FAF2: variants seen among roughly 807,000 people sequenced by gnomAD.
FAF2 encodes the protein Fas associated factor family member 2.
Under a neutral mutation model 62.3 loss-of-function variants are expected in FAF2, and 9 were observed. That is an observed-to-expected ratio of 0.14 (90% CI 0.09 to 0.25). FAF2 has a LOEUF of 0.25. FAF2 is among the 10% of genes least tolerant of loss of function. The pLI, the probability that FAF2 is intolerant of heterozygous loss-of-function variation, is 1.00. For missense variants in FAF2, 368 were observed against 556.2 expected, an observed-to-expected ratio of 0.66 and a Z score of 3.40; for synonymous variants, 202 against 198.0, an observed-to-expected ratio of 1.02 and a Z score of -0.17.
At position 176,507,325 on chromosome 5, in the gene FAF2, T is replaced by C. The variant is rs780632541; in HGVS notation, c.*375T>C. The C allele has an allele frequency of 4.2e-5, 19 of 453,140 alleles. No individual in the cohort carries two copies. Among genetic ancestry groups the C allele is most frequent in the South Asian group, 3.0e-4 (19 of 63,862 alleles). The allele number at this position is 453,140 out of a possible 1,614,324, so 28.1% of individuals were successfully genotyped here. A position where few individuals can be genotyped will look rare whatever the true frequency, so the allele number is the denominator to read the frequency against. ...CATTCATTCTTGCTTTTATGAAAAA[T>C]AAAAGTGAAAAACCTCCATCAACCA... On this transcript the variant is annotated 3_prime_UTR_variant, in exon 11 of 11. Coordinates refer to ENST00000261942, the MANE Select transcript of FAF2 (RefSeq NM_014613.3).
chr5:176,489,467 G>A (rs1758933742), intron 4 of FAF2, among the ~76,000 whole-genome samples: 1 of 152,054 alleles, frequency 6.6e-6, no homozygotes, highest in Admixed American at 6.5e-5. Flanking sequence ...AGATTACCCA[G>A]TTTGCCCTTG....
At chr5:176,450,093 A>T (rs912809043) in intron 1 of FAF2, among the ~76,000 whole-genome samples, 1 of 152,160 alleles carries the variant, frequency 6.6e-6, no homozygotes, top group Non-Finnish European at 1.5e-5. Flanking sequence ...GAAAATAAAT[A>T]TTTTTTTGGC....
At chr5:176,502,334 A>G (rs1240777951) in intron 10 of FAF2, among the ~76,000 whole-genome samples, 1 of 152,156 alleles carries the variant, frequency 6.6e-6, no homozygotes, top group African/African-American at 2.4e-5. Flanking sequence ...TAATCCCAGC[A>G]CTTTGGGAGG....
intron 1 of FAF2, among the ~76,000 whole-genome samples, chr5:176,460,717 T>G (rs1758364220): frequency 6.6e-6 from 1 of 152,082 alleles, no homozygotes; most frequent in South Asian, 2.1e-4. Context: ...TTTGGGAGGC[T>G]GAGGCAGTGG....
intron 1 of FAF2, among the ~76,000 whole-genome samples, chr5:176,471,499 C>T (rs1758568819): frequency 6.6e-6 from 1 of 151,172 alleles, no homozygotes; most frequent in South Asian, 2.1e-4. Context: ...TCTCCTGCCT[C>T]AGCCTCCTGA....
Position 176,509,236 on chromosome 5 carries a change from G to A in FAF2, c.*2286G>A, listed in dbSNP as rs1336502642. On this transcript the variant is annotated 3_prime_UTR_variant, in exon 11 of 11. Transcript: ENST00000261942. ...TCTCCTTGCTGACCCTAGCGCTGCT[G>A]CCTAGGTGCCATTTCCTTTCCTCCT... 2 of 152,198 alleles carry A rather than the reference G, an allele frequency of 1.3e-5. No individual in the cohort carries two copies. The highest frequency in any genetic ancestry group is 2.9e-5 in the Non-Finnish European group (2 of 68,058). 9.4% of individuals were successfully genotyped at this position (152,198 alleles called of 1,614,324 possible).
intron 4 of FAF2, among the ~76,000 whole-genome samples, 182 bp downstream of exon 4, chr5:176,489,209 G>T (rs1758927693): frequency 6.6e-6 from 1 of 152,102 alleles, no homozygotes; most frequent in Admixed American, 6.6e-5. Flanking sequence ...GCATTGGCAG[G>T]CATTGTGAAA....
chr5:176,470,764 G>C (rs761139396), intron 1 of FAF2, among the ~76,000 whole-genome samples: 7 of 152,206 alleles, frequency 4.6e-5, no homozygotes, highest in Non-Finnish European at 1.0e-4. Context: ...TTTTTTAAGA[G>C]ATCACTGGAA....
At chr5:176,482,220 G>GTTT (rs34956788) in intron 2 of FAF2, among the ~76,000 whole-genome samples, 88 of 142,040 alleles carry the variant, frequency 6.2e-4, no homozygotes, top group Middle Eastern at 3.7e-3. Context: ...AGCTGTGAAA[G>GTTT]TTTTTTTTTT....
intron 1 of FAF2, among the ~76,000 whole-genome samples, chr5:176,476,544 A>G (rs866245671): frequency 5.3e-5 from 8 of 152,228 alleles, no homozygotes; most frequent in Middle Eastern, 6.8e-3. Flanking sequence ...CAATAGGCAC[A>G]TAAGAGACGT....
At position 176,489,320 on chromosome 5, in the gene FAF2, A is replaced by G. The variant is rs547293070; in HGVS notation, c.344+293A>G. On this transcript the variant is annotated intron_variant, in intron 4 of 10. Transcript: ENST00000261942. ...CCCCCCCACCATATTTGTCACCTCT[A>G]CACTTCCTAGTTGATGTCCACACCC... is the stretch of plus-strand genomic sequence containing the variant. Among the ~76,000 whole-genome samples the G allele has an allele frequency of 3.9e-5, 5 of 128,970 alleles. No individual in the cohort carries two copies. In the South Asian group the frequency reaches 1.1e-3, roughly 29 times the overall value. The allele number at this position is 128,970 out of a possible 152,430, so 84.6% of individuals were successfully genotyped here.
intron 1 of FAF2, among the ~76,000 whole-genome samples, chr5:176,471,714 A>C: frequency 2.6e-5 from 3 of 115,224 alleles, no homozygotes; most frequent in Admixed American, 1.0e-4. Context: ...ATGGAGTCTC[A>C]CTCTGTCTGT....
chr5:176,503,866 T>C (rs984601014), intron 10 of FAF2, among the ~76,000 whole-genome samples: 1 of 151,890 alleles, frequency 6.6e-6, no homozygotes, highest in African/African-American at 2.4e-5. Flanking sequence ...TTGCCATTAG[T>C]AATAAAAAAT....
rs377291257 is a variant in FAF2 at position 176,486,387 on chromosome 5, G to C, written c.165G>C (p.Glu55Asp). The change falls in exon 3 of 11, where the codon GAG becomes GAC. Residue 55 changes from glutamate to aspartate, a missense_variant. This residue lies in a region of FAF2 where 331 missense variants were observed against 441.9 expected (regional missense o/e 0.75). Coordinates refer to ENST00000261942, the MANE Select transcript of FAF2 (RefSeq NM_014613.3). ...TACAGGACAGATTGAATGAGCAAGA[G>C]GGCGTACCTAGTGTTTTCAACCCAC... ...AAVQDRLNEQEGVPSVFNPPP... is the reference protein window; with the variant it reads ...AAVQDRLNEQDGVPSVFNPPP... 5.3e-5 allele frequency: 85 copies of C among 1,614,066 alleles called. No individual in the cohort carries two copies. The highest frequency in any genetic ancestry group is 7.2e-5 in the Non-Finnish European group (85 of 1,180,038).
intron 1 of FAF2, among the ~76,000 whole-genome samples, chr5:176,474,958 G>A (rs543150112): frequency 1.2e-4 from 18 of 152,224 alleles, no homozygotes; most frequent in African/African-American, 4.3e-4. Context: ...TATTTCTAGG[G>A]CATAGTTTTA....
chr5:176,470,541 C>T (rs12054897), intron 1 of FAF2, among the ~76,000 whole-genome samples: 13,512 of 152,304 alleles, frequency 0.089, 950 homozygotes, highest in East Asian at 0.28. Context: ...CGCGCCATCG[C>T]GCTCCAGCCT....
chr5:176,470,945 T>C (rs1255561445), intron 1 of FAF2, among the ~76,000 whole-genome samples: 2 of 152,262 alleles, frequency 1.3e-5, no homozygotes, highest in African/African-American at 4.8e-5. Context: ...TCTCTTGTTC[T>C]TTTTAGATAG....
At chr5:176,474,999 T>C (rs1758662212) in intron 1 of FAF2, among the ~76,000 whole-genome samples, 1 of 152,314 alleles carries the variant, frequency 6.6e-6, no homozygotes, top group East Asian at 1.9e-4. Context: ...AAAGCAGGCT[T>C]GTTCAGTTGG....
chr5:176,464,964 T>C (rs1485762036), intron 1 of FAF2, among the ~76,000 whole-genome samples: 1 of 152,224 alleles, frequency 6.6e-6, no homozygotes, highest in Non-Finnish European at 1.5e-5. Context: ...CTCAGCTCAC[T>C]GCAACCTCCG....
Sources: gnomAD v4.1 joint callset for allele counts (sites outside exome capture counted in the v4.1 genomes callset) on GRCh38, gnomAD v4.1.1 for gene constraint, gnomAD v4.1.1 regional missense constraint, MANE v1.5 for transcripts, NCBI Gene and HGNC (gene_info 2026-07-23, HGNC 2026-07-21) for gene names.